DPP6: variants seen among roughly 807,000 people sequenced by gnomAD.
DPP6 encodes the protein dipeptidyl peptidase like 6.
A neutral mutation model predicts 122.6 loss-of-function variants in DPP6; 69 were observed. That is an observed-to-expected ratio of 0.56 (90% CI 0.46 to 0.69). DPP6 has a LOEUF of 0.69. DPP6 is among the 30% of genes least tolerant of loss of function. DPP6 has a pLI of 0.00. For synonymous variants in DPP6, 418 were observed against 433.1 expected (o/e 0.97, Z 0.43); for missense variants, 928 against 1,116.9 (o/e 0.83, Z 2.41).
At chr7:154,415,949 C>T (rs1816977128) in intron 1 of DPP6, among the ~76,000 whole-genome samples, 1 of 151,884 alleles carries the variant, frequency 6.6e-6, no homozygotes, top group South Asian at 2.1e-4. Context: ...AGTTGCATAA[C>T]TTCTGGGAGA....
chr7:154,054,968 G>A (rs1800689248), intron 1 of DPP6, among the ~76,000 whole-genome samples: 1 of 151,942 alleles, frequency 6.6e-6, no homozygotes, highest in Admixed American at 6.6e-5. Flanking sequence ...ATTGTGACAT[G>A]TGTCTAGAAA....
At chr7:153,847,806 A>G in the DPP6 span, among the ~76,000 whole-genome samples, 2 of 152,186 alleles carry the variant, frequency 1.3e-5, no homozygotes. Context: ...TGTTTTTTGC[A>G]TGCGTCTGCA....
intron 1 of DPP6, among the ~76,000 whole-genome samples, chr7:154,161,292 T>A (rs375865954): frequency 0.026 from 3,999 of 151,544 alleles, 28 homozygotes; most frequent in African/African-American, 0.091. Context: ...AGGTCAGGAG[T>A]TTGAGACCAG....
chr7:154,688,767 T>A (rs1350049245), intron 7 of DPP6, among the ~76,000 whole-genome samples: 1 of 152,180 alleles, frequency 6.6e-6, no homozygotes, highest in Non-Finnish European at 1.5e-5. Flanking sequence ...CCCACCCGAT[T>A]AAGGGTGCAT....
intron 3 of DPP6, among the ~76,000 whole-genome samples, chr7:154,504,557 A>C (rs1825522389): frequency 6.6e-6 from 1 of 152,202 alleles, no homozygotes; most frequent in Admixed American, 6.5e-5. Flanking sequence ...TAGATAACTC[A>C]AGGATCAACG....
At chr7:154,245,648 A>AAAAAAAAAAAAAAAT in intron 1 of DPP6, among the ~76,000 whole-genome samples, 1 of 151,884 alleles carries the variant, frequency 6.6e-6, no homozygotes, top group East Asian at 1.9e-4. Context: ...AAAAAAAAAA[A>AAAAAAAAAAAAAAAT]AAAAGCTATG....
chr7:154,820,085 C>T (rs1425568832), intron 16 of DPP6, among the ~76,000 whole-genome samples: 2 of 152,218 alleles, frequency 1.3e-5, no homozygotes, highest in African/African-American at 2.4e-5. Flanking sequence ...CCTGTCTCCA[C>T]CTGGCATCAG....
At chr7:154,262,833 G>C (rs1425024940) in intron 1 of DPP6, among the ~76,000 whole-genome samples, 1 of 152,102 alleles carries the variant, frequency 6.6e-6, no homozygotes, top group African/African-American at 2.4e-5. Context: ...ATAGCTTCTC[G>C]AGATACCCTT....
chr7:154,185,863 C>T (rs1312596954), intron 1 of DPP6, among the ~76,000 whole-genome samples: 2 of 152,190 alleles, frequency 1.3e-5, no homozygotes, highest in East Asian at 3.8e-4. Flanking sequence ...GTTCTGCATT[C>T]ACTGGGTAGA....
the DPP6 span, among the ~76,000 whole-genome samples, chr7:153,875,835 A>C: frequency 6.6e-6 from 1 of 151,990 alleles, no homozygotes; most frequent in East Asian, 1.9e-4. Flanking sequence ...AAATGGATTG[A>C]ATACTCAGAT....
At chr7:153,825,335 C>T in the DPP6 span, among the ~76,000 whole-genome samples, 2 of 152,110 alleles carry the variant, frequency 1.3e-5, no homozygotes, top group Non-Finnish European at 2.9e-5. Context: ...GATAGACGTA[C>T]TGCTTGCTCC....
At chr7:154,285,208 A>G (rs1463973086) in intron 1 of DPP6, among the ~76,000 whole-genome samples, 1 of 152,222 alleles carries the variant, frequency 6.6e-6, no homozygotes, top group African/African-American at 2.4e-5. Context: ...TATTTTAATT[A>G]TACACTGAAT....
At chr7:154,220,443 G>A (rs1266244373) in intron 1 of DPP6, among the ~76,000 whole-genome samples, 1 of 152,158 alleles carries the variant, frequency 6.6e-6, no homozygotes, top group Non-Finnish European at 1.5e-5. Flanking sequence ...AGGAGAGAGA[G>A]GAGCAGAGAA....
the DPP6 span, among the ~76,000 whole-genome samples, chr7:153,875,628 TTATC>T: frequency 1.3e-5 from 2 of 152,088 alleles, no homozygotes; most frequent in Admixed American, 6.5e-5. Context: ...ATTAATATGA[TTATC>T]AATATAAGAT....
At chr7:154,273,352 C>G (rs1226594387) in intron 1 of DPP6, among the ~76,000 whole-genome samples, 1 of 152,178 alleles carries the variant, frequency 6.6e-6, no homozygotes, top group Non-Finnish European at 1.5e-5. Context: ...CCCTAAAGAT[C>G]ATGGAAATAA....
intron 14 of DPP6, 116 bp from the exon 15 acceptor site, chr7:154,804,801 C>T: frequency 7.0e-7 from 1 of 1,438,356 alleles, no homozygotes; most frequent in Non-Finnish European, 9.5e-7. Flanking sequence ...GGAGCTACTC[C>T]CTGCAGGCCA....
At chr7:154,596,706 A>C (rs918269122) in intron 5 of DPP6, among the ~76,000 whole-genome samples, 3 of 152,214 alleles carry the variant, frequency 2.0e-5, no homozygotes, top group African/African-American at 7.2e-5. Context: ...AATGGCGTCA[A>C]CACTGAAGAA....
chr7:154,575,124 GTGTGTGTGTGGTATGTGTA>G (rs1831473949), intron 5 of DPP6, among the ~76,000 whole-genome samples: 2 of 142,234 alleles, frequency 1.4e-5, no homozygotes, highest in African/African-American at 2.6e-5. Flanking sequence ...TGTGTGTGTG[GTGTGTGTGTGGTATGTGTA>G]TGTGTGTGTG....
intron 1 of DPP6, among the ~76,000 whole-genome samples, chr7:154,130,963 G>C (rs1211265248): frequency 6.6e-6 from 1 of 152,158 alleles, no homozygotes; most frequent in Non-Finnish European, 1.5e-5. Flanking sequence ...TGCAGGTGTA[G>C]TGAGAGTCAA....
Sources: allele counts gnomAD v4.1 joint callset (sites outside exome capture counted in the v4.1 genomes callset), GRCh38; gene constraint gnomAD v4.1.1; transcripts MANE v1.5; gene names NCBI Gene and HGNC (gene_info 2026-07-23, HGNC 2026-07-21).